CMSS1: variants seen among roughly 807,000 people sequenced by gnomAD.
The protein encoded by CMSS1 is cms1 ribosomal small subunit homolog.
CMSS1 carries 33 observed loss-of-function variants against 43.5 expected under a neutral mutation model. The ratio of observed to expected loss-of-function variants is 0.76; its 90% CI spans 0.57 to 1.01. The LOEUF (loss-of-function observed/expected upper bound fraction) is 1.01. Ranked by LOEUF, CMSS1 falls within the 50% of genes least tolerant of loss-of-function variation. CMSS1 has a pLI of 0.00. For missense variants in CMSS1, 313 were observed against 326.4 expected (o/e 0.96, Z 0.32); for synonymous variants, 115 against 117.2 (o/e 0.98, Z 0.12).
At chr3:99,953,146 A>T (rs1163197912) in intron 1 of CMSS1, among the ~76,000 whole-genome samples, 1 of 152,262 alleles carries the variant, frequency 6.6e-6, no homozygotes, top group Non-Finnish European at 1.5e-5. Context: ...TAAACAGCAT[A>T]TGAAGTATTA....
chr3:100,104,040 A>T (rs2066353652), intron 1 of CMSS1, among the ~76,000 whole-genome samples: 1 of 152,154 alleles, frequency 6.6e-6, no homozygotes, highest in South Asian at 2.1e-4. Flanking sequence ...ATGTCACCAA[A>T]TTGGGGCTTC....
chr3:99,996,443 C>T (rs1176885752), intron 1 of CMSS1, among the ~76,000 whole-genome samples: 2 of 152,196 alleles, frequency 1.3e-5, no homozygotes, highest in African/African-American at 4.8e-5. Context: ...TTCTTCTGAG[C>T]CCTCCAAACT....
Position 99,819,626 on chromosome 3 carries a change from G to A in CMSS1, c.64+1583G>A, listed in dbSNP as rs141668568. Among the ~76,000 whole-genome samples the A allele has an allele frequency of 6.7e-3, 1,026 of 152,292 alleles. 3 individuals carry two copies. Among genetic ancestry groups the A allele is most frequent in the African/African-American group, 8.6e-3 (356 of 41,562 alleles). ...AGGTCTGGGAAGAGTTTAGTCAAGT[G>A]TGATTGATTTTGAAAGTCACGCTTT... On this transcript the variant is annotated intron_variant, in intron 1 of 9. Coordinates refer to ENST00000421999, the MANE Select transcript of CMSS1 (RefSeq NM_032359.4).
chr3:100,115,207 C>G (rs374959034), intron 1 of CMSS1, among the ~76,000 whole-genome samples: 17 of 152,126 alleles, frequency 1.1e-4, no homozygotes, highest in African/African-American at 4.1e-4. Flanking sequence ...AGATCACTTA[C>G]CAGACATGCC....
rs1193665990 is a variant in CMSS1, at chr3:100,178,785, C to G, written c.*397C>G. ...TTGTTGAGGATTCCAGGAGATAGTA[C>G]ATGGGGAGCAGATTTGTAAACTCTG... On this transcript the variant is annotated 3_prime_UTR_variant, in exon 10 of 10. Coordinates refer to ENST00000421999, the MANE Select transcript of CMSS1 (RefSeq NM_032359.4). 1 of 165,128 alleles carries G rather than the reference C, an allele frequency of 6.1e-6. No homozygotes were observed. Among genetic ancestry groups the G allele is most frequent in the Non-Finnish European group, 1.3e-5 (1 of 75,528 alleles). 10.2% of individuals were successfully genotyped at this position (165,128 alleles called of 1,614,324 possible). A position where few individuals can be genotyped will look rare whatever the true frequency, so the allele number is the denominator to read the frequency against.
chr3:100,060,523 T>C (rs1206470224), intron 1 of CMSS1, among the ~76,000 whole-genome samples: 1 of 151,984 alleles, frequency 6.6e-6, no homozygotes, highest in Non-Finnish European at 1.5e-5. Flanking sequence ...TAAAAATGCT[T>C]AGCTACCACC....
chr3:99,994,195 A>T (rs1000582934), intron 1 of CMSS1, among the ~76,000 whole-genome samples: 8 of 152,164 alleles, frequency 5.3e-5, no homozygotes, highest in Non-Finnish European at 1.0e-4. Context: ...TTCCTGGCTC[A>T]GTCTCAGTAG....
chr3:100,151,277 G>A (rs2066905833), intron 2 of CMSS1, among the ~76,000 whole-genome samples: 1 of 152,098 alleles, frequency 6.6e-6, no homozygotes, highest in South Asian at 2.1e-4. Context: ...TTGCCCAAAA[G>A]TTAGCAGCTT....
chr3:100,080,240 C>T (rs2065910531), intron 1 of CMSS1, among the ~76,000 whole-genome samples: 1 of 152,104 alleles, frequency 6.6e-6, no homozygotes, highest in Non-Finnish European at 1.5e-5. Context: ...GCCTTGGCCT[C>T]CCAAAGTATT....
chr3:100,076,313 A>G (rs1225978652), intron 1 of CMSS1, among the ~76,000 whole-genome samples: 1 of 152,118 alleles, frequency 6.6e-6, no homozygotes, highest in Non-Finnish European at 1.5e-5. Context: ...GATGCTTTTC[A>G]TCTTTCTGAA....
chr3:100,019,822 A>G (rs2064774985), intron 1 of CMSS1, among the ~76,000 whole-genome samples: 1 of 152,186 alleles, frequency 6.6e-6, no homozygotes, highest in Non-Finnish European at 1.5e-5. Flanking sequence ...ATCCAACTTC[A>G]TGACTTATTT....
chr3:100,170,327 T>C (rs1188080384), intron 6 of CMSS1, among the ~76,000 whole-genome samples: 4 of 152,130 alleles, frequency 2.6e-5, no homozygotes, highest in Non-Finnish European at 5.9e-5. Context: ...AGATGATATA[T>C]AGAAATACAT....
At chr3:100,127,539 A>T (rs935769256) in intron 1 of CMSS1, among the ~76,000 whole-genome samples, 3 of 152,234 alleles carry the variant, frequency 2.0e-5, no homozygotes, top group African/African-American at 7.2e-5. Flanking sequence ...TCTCAGTATC[A>T]TCTAGGAGAT....
At chr3:100,175,032 T>TAG (rs1467867108) in intron 8 of CMSS1, among the ~76,000 whole-genome samples, 1 of 152,208 alleles carries the variant, frequency 6.6e-6, no homozygotes, top group Non-Finnish European at 1.5e-5. Flanking sequence ...TTGCTATATC[T>TAG]CATGAGGACT....
chr3:99,876,225 C>T, intron 1 of CMSS1: 1 of 985,384 alleles, frequency 1.0e-6, no homozygotes, highest in Middle Eastern at 5.2e-4. Flanking sequence ...ACTGTTCTGC[C>T]TTATAAGGCG....
intron 6 of CMSS1, among the ~76,000 whole-genome samples, chr3:100,168,174 A>G (rs911609867): frequency 3.9e-5 from 6 of 152,250 alleles, no homozygotes; most frequent in Admixed American, 6.5e-5. Context: ...AAAGCCCAGC[A>G]GCTATCTGGA....
chr3:100,042,407 G>A (rs964784728), intron 1 of CMSS1, among the ~76,000 whole-genome samples: 14 of 152,152 alleles, frequency 9.2e-5, no homozygotes, highest in Non-Finnish European at 1.0e-4. Flanking sequence ...TGTTTCGTCA[G>A]CTAGCCTGTG....
chr3:99,995,204 G>C (rs754364618), intron 1 of CMSS1, among the ~76,000 whole-genome samples: 24 of 152,194 alleles, frequency 1.6e-4, no homozygotes, highest in South Asian at 4.1e-4. Flanking sequence ...GGTAAATACA[G>C]CTGTTCCAAA....
chr3:99,877,741 C>A (rs558645497), intron 1 of CMSS1, among the ~76,000 whole-genome samples: 65 of 152,196 alleles, frequency 4.3e-4, no homozygotes, highest in African/African-American at 1.5e-3. Context: ...TATTAAATAT[C>A]CTTTTTGAGA....
Sources: gnomAD v4.1 joint callset for allele counts (sites outside exome capture counted in the v4.1 genomes callset) on GRCh38, gnomAD v4.1.1 for gene constraint, MANE v1.5 for transcripts, NCBI Gene and HGNC (gene_info 2026-07-23, HGNC 2026-07-21) for gene names.